Variants in MAP3K4 observed in about 807,000 individuals in gnomAD.
MAP3K4 encodes the protein mitogen-activated protein kinase kinase kinase 4.
A neutral mutation model predicts 185.6 loss-of-function variants in MAP3K4; 67 were observed. The observed-to-expected ratio is 0.36, with a 90% CI of 0.30 to 0.44. The LOEUF is 0.44. Among genes scored for constraint, MAP3K4 ranks in the 20% least tolerant of loss-of-function variants. MAP3K4 has a pLI of 1.00. For synonymous variants in MAP3K4, 702 were observed against 710.4 expected (o/e 0.99, Z 0.19); for missense variants, 1,551 against 1,995.1 (o/e 0.78, Z 4.24).
chr6:161,079,320 G>A (rs1196442209), intron 5 of MAP3K4, among the ~76,000 whole-genome samples: 1 of 151,826 alleles, frequency 6.6e-6, no homozygotes, highest in Non-Finnish European at 1.5e-5. Context: ...GTTCACGCCT[G>A]TAATCCCAGC....
In MAP3K4 at chr6:161,109,752, C is replaced by A; in HGVS notation, c.4237-3C>A. 1 of 1,614,132 alleles carries A rather than the reference C, an allele frequency of 6.2e-7. No individual in the cohort carries two copies. The highest frequency in any genetic ancestry group is 8.5e-7 in the Non-Finnish European group (1 of 1,180,004). On this transcript the variant is annotated splice_region_variant and splice_polypyrimidine_tract_variant and intron_variant, in intron 22 of 26. Transcript: ENST00000392142. This position sits in a 1 kb window ranked among gnomAD's most constrained non-coding sequence, Gnocchi z 5.7. ...ACAGAGCTGCCCTTTATTCCTCCCA[C>A]AGGAAGAAATGTACATCTTCATGGA...
chr6:161,102,801 T>TTA (rs1300561345), intron 19 of MAP3K4, 22 bp downstream of exon 19: 2 of 958,584 alleles, frequency 2.1e-6, no homozygotes, highest in African/African-American at 3.9e-5. Flanking sequence ...AGTGTTGAAG[T>TTA]TAAAAAAAAA....
intron 1 of MAP3K4, among the ~76,000 whole-genome samples, chr6:161,019,521 G>A (rs530919089): frequency 2.0e-5 from 3 of 152,172 alleles, no homozygotes; most frequent in East Asian, 1.9e-4. Flanking sequence ...ATTCTCCTGC[G>A]TCAGTCTCCC....
Position 161,037,926 on chromosome 6 carries a change from C to T in MAP3K4, c.343+3477C>T, listed in dbSNP as rs1783254659. Among the ~76,000 whole-genome samples the T allele has an allele frequency of 6.6e-6, 1 of 152,098 alleles. No homozygotes were observed. ...CTGGACTACACATTTCCTTGTATGT[C>T]TTCCTAGTCCTTCGCTTTATCTCAC... On this transcript the variant is annotated intron_variant, in intron 2 of 26. Coordinates refer to ENST00000392142, the MANE Select transcript of MAP3K4 (RefSeq NM_005922.4). The surrounding 1 kb of genome is among the most constrained non-coding windows in gnomAD (Gnocchi z 4.2).
In MAP3K4 at chr6:161,063,865, A is replaced by G. The variant is rs1368700208; in HGVS notation, c.1708-6743A>G. 2.0e-5 allele frequency among the ~76,000 whole-genome samples: 3 copies of G among 152,098 alleles called. No homozygotes were observed. The highest frequency in any genetic ancestry group is 2.9e-5 in the Non-Finnish European group (2 of 68,018). ...GGAATTGCCTCTTTACGCCCTTCAG[A>G]CACCCTGTTAATTTCCTCTGCTTCC... On this transcript the variant is annotated intron_variant, in intron 3 of 26. Coordinates refer to ENST00000392142, the MANE Select transcript of MAP3K4 (RefSeq NM_005922.4). This position sits in a 1 kb window ranked among gnomAD's most constrained non-coding sequence, Gnocchi z 5.4.
In MAP3K4 at chr6:161,082,497, TCGCCCTGA is replaced by T. The variant is rs1393383023; in HGVS notation, c.2255+1460_2255+1467del. 7.7e-4 allele frequency among the ~76,000 whole-genome samples: 117 copies of T among 152,166 alleles called. No individual in the cohort carries two copies. The highest frequency in any genetic ancestry group is 2.7e-3 in the African/African-American group (110 of 41,498). On this transcript the variant is annotated intron_variant, in intron 6 of 26. Coordinates refer to ENST00000392142, the MANE Select transcript of MAP3K4 (RefSeq NM_005922.4). This position sits in a 1 kb window ranked among gnomAD's most constrained non-coding sequence, Gnocchi z 4.2. ...TCTCTGGCCTTTGCTTTCATGATCC[TCGCCCTGA>T]GAAGCTCCAGGGCTTTTTCATTCCC...
chr6:161,106,956 C>G lies in MAP3K4; in HGVS notation c.4048+251C>G, dbSNP rs1543261. 0.9 allele frequency among the ~76,000 whole-genome samples: 137,188 copies of G among 152,072 alleles called. 62,001 individuals are homozygous for G. The highest frequency in any genetic ancestry group is 0.99 in the East Asian group (5,131 of 5,174). Reference sequence around the variant, plus strand: ...TCTAAATGATTCATTGCATTGGATTCTTTTGCTTAATAACCCTGGAATTTG... The same window carrying G: ...TCTAAATGATTCATTGCATTGGATTGTTTTGCTTAATAACCCTGGAATTTG... On this transcript the variant is annotated intron_variant, in intron 20 of 26. Transcript: ENST00000392142. This position sits in a 1 kb window ranked among gnomAD's most constrained non-coding sequence, Gnocchi z 4.9.
At chr6:161,111,224 G>C (rs1388537694) in intron 23 of MAP3K4, among the ~76,000 whole-genome samples, 1 of 152,240 alleles carries the variant, frequency 6.6e-6, no homozygotes, top group African/African-American at 2.4e-5. Flanking sequence ...CACAATGCCA[G>C]AGATGTGTGA....
Position 161,074,261 on chromosome 6 carries a change from G to C in MAP3K4, c.2097+649G>C, listed in dbSNP as rs903836865. On this transcript the variant is annotated intron_variant, in intron 5 of 26. Coordinates refer to ENST00000392142, the MANE Select transcript of MAP3K4 (RefSeq NM_005922.4). This position sits in a 1 kb window ranked among gnomAD's most constrained non-coding sequence, Gnocchi z 5.0. ...ACATTTGAGGACTTGTAAATAGTTT[G>C]ATTGGGCAGGAGTAGACCTATTTTT... Among the ~76,000 whole-genome samples, 1 of 152,194 alleles carries C rather than the reference G, an allele frequency of 6.6e-6. No homozygotes were observed. Among genetic ancestry groups the C allele is most frequent in the African/African-American group, 2.4e-5 (1 of 41,436 alleles).
Position 161,084,154 on chromosome 6 carries a change from C to T in MAP3K4, c.2256-347C>T, listed in dbSNP as rs745820336. ...AAAAACAGTTGAATTTAAGGAATTC[C>T]CTTTCCCTCTTATCCTATCATTTAG... On this transcript the variant is annotated intron_variant, in intron 6 of 26. Transcript: ENST00000392142. This position sits in a 1 kb window ranked among gnomAD's most constrained non-coding sequence, Gnocchi z 4.6. 4.6e-4 allele frequency among the ~76,000 whole-genome samples: 70 copies of T among 152,246 alleles called. No homozygotes were observed. Among genetic ancestry groups the T allele is most frequent in the Admixed American group, 1.9e-3 (29 of 15,290 alleles).
In MAP3K4 at chr6:161,114,075, T is replaced by C. The variant is rs1395676987; in HGVS notation, c.4627-1048T>C. 2.6e-5 allele frequency among the ~76,000 whole-genome samples: 4 copies of C among 152,138 alleles called. No homozygotes were observed. Among genetic ancestry groups the C allele is most frequent in the African/African-American group, 9.7e-5 (4 of 41,438 alleles). On this transcript the variant is annotated intron_variant, in intron 25 of 26. Transcript: ENST00000392142. The surrounding 1 kb of genome is among the most constrained non-coding windows in gnomAD (Gnocchi z 4.3). ...CTCCCGAAGTGCTGAGTGACATTTT[T>C]AAAGATTGAGAATACTATCTTTTAG...
Position 161,070,969 on chromosome 6 carries a change from T to A in MAP3K4, c.1950+119T>A. The A allele has an allele frequency of 2.1e-6, 2 of 950,242 alleles. No individual in the cohort carries two copies. Among genetic ancestry groups the A allele is most frequent in the Non-Finnish European group, 1.5e-6 (1 of 663,148 alleles). 58.9% of individuals were successfully genotyped at this position (950,242 alleles called of 1,614,324 possible). On this transcript the variant is annotated intron_variant, in intron 4 of 26. Coordinates refer to ENST00000392142, the MANE Select transcript of MAP3K4 (RefSeq NM_005922.4). This position sits in a 1 kb window ranked among gnomAD's most constrained non-coding sequence, Gnocchi z 4.5. ...ATTGTCGCAAATAGTGAAAAATGAC[T>A]GTTTGTCCATGGTTTTAAGCTGTAT...
chr6:161,086,247 C>T lies in MAP3K4; in HGVS notation c.2373-132C>T, dbSNP rs1224408116. 4 of 536,844 alleles carry T rather than the reference C, an allele frequency of 7.5e-6. No individual in the cohort carries two copies. Among genetic ancestry groups the T allele is most frequent in the African/African-American group, 1.9e-5 (1 of 52,742 alleles). 33.3% of individuals were successfully genotyped at this position (536,844 alleles called of 1,614,324 possible). A position where few individuals can be genotyped will look rare whatever the true frequency, so the allele number is the denominator to read the frequency against. Reference sequence around the variant, plus strand: ...ACTACATCTTCAATAATAGTTTGTTCCCATTTAAAAAATCCTCAGTCTTTA... The same window carrying T: ...ACTACATCTTCAATAATAGTTTGTTTCCATTTAAAAAATCCTCAGTCTTTA... On this transcript the variant is annotated intron_variant, in intron 7 of 26. Coordinates refer to ENST00000392142, the MANE Select transcript of MAP3K4 (RefSeq NM_005922.4). The surrounding 1 kb of genome is among the most constrained non-coding windows in gnomAD (Gnocchi z 4.8).
chr6:161,034,761 A>G lies in MAP3K4; in HGVS notation c.343+312A>G, dbSNP rs771914780. Among the ~76,000 whole-genome samples the G allele has an allele frequency of 6.6e-6, 1 of 152,150 alleles. No individual in the cohort carries two copies. Among genetic ancestry groups the G allele is most frequent in the African/African-American group, 2.4e-5 (1 of 41,426 alleles). On this transcript the variant is annotated intron_variant, in intron 2 of 26. Coordinates refer to ENST00000392142, the MANE Select transcript of MAP3K4 (RefSeq NM_005922.4). The surrounding 1 kb of genome is among the most constrained non-coding windows in gnomAD (Gnocchi z 4.4). ...GGTTACATGGGATAGATGGCCTTCT[A>G]TTCTTTCAGTCTCTTAGGCTGAAGT...
Position 161,073,472 on chromosome 6 carries a change from A to C in MAP3K4, c.1957A>C (p.Arg653=). ...PSLLSIKQLV[R]ECKEVLKGGL... Reference sequence around the variant, plus strand: ...TGTGTGTGTTGTTTTGCAGCTGGTGAGAGAGTGTAAGGAGGTCCTGAAGGG... The same window carrying C: ...TGTGTGTGTTGTTTTGCAGCTGGTGCGAGAGTGTAAGGAGGTCCTGAAGGG... Residue 653 remains arginine, a synonymous_variant, in exon 5 of 27, where the codon AGA becomes CGA. Transcript: ENST00000392142. The surrounding 1 kb of genome is among the most constrained non-coding windows in gnomAD (Gnocchi z 4.2). The C allele has an allele frequency of 6.3e-7, 1 of 1,599,444 alleles. No individual in the cohort carries two copies. Among genetic ancestry groups the C allele is most frequent in the Non-Finnish European group, 8.5e-7 (1 of 1,172,942 alleles).
Position 161,043,480 on chromosome 6 carries a change from C to T in MAP3K4, c.344-5136C>T, listed in dbSNP as rs1472589790. 6.6e-6 allele frequency among the ~76,000 whole-genome samples: 1 copy of T among 152,204 alleles called. No homozygotes were observed. The highest frequency in any genetic ancestry group is 6.5e-5 in the Admixed American group (1 of 15,282). The stretch of plus-strand genomic sequence containing the variant: ...GGTACTGCCTTGCAAACACCTTTGA[C>T]AAGTCCAAGGATGGTGTGGTGGCAC... On this transcript the variant is annotated intron_variant, in intron 2 of 26. Coordinates refer to ENST00000392142, the MANE Select transcript of MAP3K4 (RefSeq NM_005922.4). The surrounding 1 kb of genome is among the most constrained non-coding windows in gnomAD (Gnocchi z 4.3).
At position 161,100,480 on chromosome 6, in the gene MAP3K4, A is replaced by T. The variant is rs1777790045; in HGVS notation, c.3675-1412A>T. Among the ~76,000 whole-genome samples the T allele has an allele frequency of 6.6e-6, 1 of 152,212 alleles. No individual in the cohort carries two copies. Among genetic ancestry groups the T allele is most frequent in the African/African-American group, 2.4e-5 (1 of 41,454 alleles). On this transcript the variant is annotated intron_variant, in intron 17 of 26. Coordinates refer to ENST00000392142, the MANE Select transcript of MAP3K4 (RefSeq NM_005922.4). This position sits in a 1 kb window ranked among gnomAD's most constrained non-coding sequence, Gnocchi z 5.8. ...TTATCTTATCATCGTTTGTAAAAAC[A>T]CTTTGCAGTGGTGCTCTTGCTGAGG...
rs1340862951 is a variant in MAP3K4, at chr6:161,067,853, T to C, written c.1708-2755T>C. 6.6e-6 allele frequency among the ~76,000 whole-genome samples: 1 copy of C among 152,252 alleles called. No individual in the cohort carries two copies. The highest frequency in any genetic ancestry group is 1.5e-5 in the Non-Finnish European group (1 of 68,048). ...TTATGCCAAGTATATGTTATTCTTT[T>C]TGAAAATCAAAACATCCACTTTTAA... On this transcript the variant is annotated intron_variant, in intron 3 of 26. Transcript: ENST00000392142. This position sits in a 1 kb window ranked among gnomAD's most constrained non-coding sequence, Gnocchi z 6.3.
At position 161,071,122 on chromosome 6, in the gene MAP3K4, A is replaced by G. The variant is rs527601488; in HGVS notation, c.1950+272A>G. On this transcript the variant is annotated intron_variant, in intron 4 of 26. Coordinates refer to ENST00000392142, the MANE Select transcript of MAP3K4 (RefSeq NM_005922.4). This position sits in a 1 kb window ranked among gnomAD's most constrained non-coding sequence, Gnocchi z 4.6. The stretch of plus-strand genomic sequence containing the variant: ...TTCAGTCTTTGAAGACTAAAATTTA[A>G]AATTCATTCATAAGAGGTAGAGTAT... 6.6e-6 allele frequency among the ~76,000 whole-genome samples: 1 copy of G among 152,326 alleles called. No individual in the cohort carries two copies. The highest frequency in any genetic ancestry group is 1.5e-5 in the Non-Finnish European group (1 of 68,032).
Sources: gnomAD v4.1 joint callset for allele counts (sites outside exome capture counted in the v4.1 genomes callset) on GRCh38, gnomAD v4.1.1 for gene constraint, Gnocchi (gnomAD v3.1) non-coding constraint, MANE v1.5 for transcripts, NCBI Gene and HGNC (gene_info 2026-07-23, HGNC 2026-07-21) for gene names.